The following FMNL2 variants were observed in gnomAD, a reference collection of about 807,000 sequenced individuals.
FMNL2 encodes the protein formin like 2.
A neutral mutation model predicts 130.2 loss-of-function variants in FMNL2; 51 were observed. The ratio of observed to expected loss-of-function variants is 0.39; its 90% CI spans 0.31 to 0.49. The LOEUF is 0.49. Among genes scored for constraint, FMNL2 ranks in the 20% least tolerant of loss-of-function variants. The pLI, the probability that FMNL2 is intolerant of heterozygous loss-of-function variation, is 0.85. For missense variants in FMNL2, 977 were observed against 1,316.2 expected (o/e 0.74, Z 3.99); for synonymous variants, 465 against 467.1 (o/e 1.00, Z 0.06).
intron 1 of FMNL2, among the ~76,000 whole-genome samples, chr2:152,368,085 C>T (rs747244721): frequency 2.0e-5 from 3 of 152,094 alleles, no homozygotes; most frequent in Non-Finnish European, 4.4e-5. Context: ...CTCTCAGAGC[C>T]CTTTTGCTGA....
At chr2:152,399,118 C>T (rs948517468) in intron 1 of FMNL2, among the ~76,000 whole-genome samples, 1 of 152,220 alleles carries the variant, frequency 6.6e-6, no homozygotes, top group African/African-American at 2.4e-5. Context: ...AGAAGCTGCC[C>T]CTGGACCCTG....
chr2:152,486,998 T>C (rs1216147795), intron 1 of FMNL2, among the ~76,000 whole-genome samples: 1 of 152,240 alleles, frequency 6.6e-6, no homozygotes, highest in Non-Finnish European at 1.5e-5. Context: ...GGCAGTTGGG[T>C]TGGCTCTTTT....
intron 10 of FMNL2, chr2:152,607,703 T>G (rs1698450746): frequency 4.3e-6 from 1 of 233,286 alleles, no homozygotes; most frequent in African/African-American, 2.2e-5. Flanking sequence ...GTGCAAATGC[T>G]GCCATTGTTT....
intron 1 of FMNL2, among the ~76,000 whole-genome samples, chr2:152,434,178 T>C (rs1276085574): frequency 2.6e-5 from 4 of 152,196 alleles, no homozygotes; most frequent in African/African-American, 9.7e-5. Flanking sequence ...ATTTACAAAA[T>C]ACACTCTGAC....
intron 9 of FMNL2, among the ~76,000 whole-genome samples, chr2:152,590,367 C>A (rs1697360712): frequency 6.6e-6 from 1 of 152,088 alleles, no homozygotes; most frequent in African/African-American, 2.4e-5. Flanking sequence ...CCTGTAATCC[C>A]AGCACTTTGG....
chr2:152,589,961 A>ATG lies in FMNL2; in HGVS notation c.876+8913_876+8914insGT, dbSNP rs1553482654. On this transcript the variant is annotated intron_variant, in intron 9 of 25. Transcript: ENST00000288670. Reference sequence around the variant, plus strand: ...TATACATATATATATATATATATATATATATATATATATATATATATATGT... The same window carrying ATG: ...TATACATATATATATATATATATATATGTATATATATATATATATATATATGT... 1.5e-4 allele frequency among the ~76,000 whole-genome samples: 7 copies of ATG among 47,430 alleles called. No individual in the cohort carries two copies. The South Asian group carries it at 1.6e-3, about 11-fold the overall frequency. 31.1% of individuals were successfully genotyped at this position (47,430 alleles called of 152,430 possible).
Position 152,637,414 on chromosome 2 carries a change from C to T in FMNL2, c.2845-159C>T, listed in dbSNP as rs530285801. On this transcript the variant is annotated intron_variant, in intron 22 of 25. Transcript: ENST00000288670. The stretch of plus-strand genomic sequence containing the variant: ...TCTGCTGAGGCGTTTGGAGGAAACA[C>T]GGAGGCGTTAGGCAATCTTGGGAGG... Among the ~76,000 whole-genome samples the T allele has an allele frequency of 7.9e-5, 12 of 152,258 alleles. No homozygotes were observed. The South Asian group carries it at 1.2e-3, about 16-fold the overall frequency.
intron 9 of FMNL2, among the ~76,000 whole-genome samples, chr2:152,583,075 T>C (rs1312671776): frequency 6.6e-6 from 1 of 152,262 alleles, no homozygotes; most frequent in Non-Finnish European, 1.5e-5. Context: ...GACTTATATA[T>C]GCTTTAGCTA....
At chr2:152,547,482 G>C (rs905337467) in intron 3 of FMNL2, among the ~76,000 whole-genome samples, 2 of 152,164 alleles carry the variant, frequency 1.3e-5, no homozygotes, top group Non-Finnish European at 2.9e-5. Context: ...ATTGTCTTGG[G>C]AATGGCATTT....
intron 6 of FMNL2, among the ~76,000 whole-genome samples, chr2:152,574,187 C>T (rs960544737): frequency 6.6e-6 from 1 of 152,124 alleles, no homozygotes; most frequent in African/African-American, 2.4e-5. Flanking sequence ...CCTGTAACCC[C>T]AGCACTTCGG....
At chr2:152,625,390 C>A in intron 15 of FMNL2, 48 bp from the exon 16 acceptor site, 2 of 1,575,324 alleles carry the variant, frequency 1.3e-6, no homozygotes, top group South Asian at 1.1e-5. Flanking sequence ...TCCTGAGGGT[C>A]GTAGGCTTTT....
At chr2:152,397,605 C>CT (rs1417863528) in intron 1 of FMNL2, among the ~76,000 whole-genome samples, 1 of 152,124 alleles carries the variant, frequency 6.6e-6, no homozygotes, top group Non-Finnish European at 1.5e-5. Flanking sequence ...AGTTTTCCCT[C>CT]TTTCTCCTTC....
intron 24 of FMNL2, among the ~76,000 whole-genome samples, chr2:152,640,520 T>G (rs572592268): frequency 2.0e-5 from 3 of 152,362 alleles, no homozygotes; most frequent in African/African-American, 7.2e-5. Context: ...CAACACAGTT[T>G]AAGACATCTA....
At chr2:152,351,140 A>G (rs752662033) in intron 1 of FMNL2, among the ~76,000 whole-genome samples, 2 of 152,220 alleles carry the variant, frequency 1.3e-5, no homozygotes, top group Non-Finnish European at 2.9e-5. Flanking sequence ...GAAGTTGCCC[A>G]TGAAAGTACA....
intron 1 of FMNL2, among the ~76,000 whole-genome samples, chr2:152,367,210 G>A (rs1683610945): frequency 6.6e-6 from 1 of 151,760 alleles, no homozygotes; most frequent in East Asian, 1.9e-4. Context: ...CGAGTAGCTG[G>A]GATTACAGGT....
intron 21 of FMNL2, among the ~76,000 whole-genome samples, chr2:152,635,024 A>T (rs1356859039): frequency 1.3e-5 from 2 of 151,860 alleles, no homozygotes; most frequent in African/African-American, 4.8e-5. Flanking sequence ...TATAAAATCC[A>T]TTTTTTGTTG....
At chr2:152,615,858 G>A (rs1332845424) in intron 12 of FMNL2, among the ~76,000 whole-genome samples, 1 of 152,112 alleles carries the variant, frequency 6.6e-6, no homozygotes, top group Non-Finnish European at 1.5e-5. Flanking sequence ...TTTAAAGAGT[G>A]CTGCATATGC....
In FMNL2 at chr2:152,542,839, AC is replaced by A. The variant is rs746131445; in HGVS notation, c.282+21del. 1.4e-5 allele frequency: 23 copies of A among 1,611,550 alleles called. No homozygotes were observed. The South Asian group carries it at 2.3e-4, about 16-fold the overall frequency. On this transcript the variant is annotated intron_variant, in intron 3 of 25. Transcript: ENST00000288670. ...AGGAAGGTAAGATGGATTTGTTTCC[AC>A]TCTTTGTTATTGCTTCCTTATTAGC...
chr2:152,401,898 CTTTTT>C (rs70974858), intron 1 of FMNL2, among the ~76,000 whole-genome samples: 2 of 78,552 alleles, frequency 2.5e-5, no homozygotes, highest in African/African-American at 5.3e-5. Flanking sequence ...TGTGTTTAAT[CTTTTT>C]TTTTTTTTTT....
Sources: allele counts gnomAD v4.1 joint callset (sites outside exome capture counted in the v4.1 genomes callset), GRCh38; gene constraint gnomAD v4.1.1; transcripts MANE v1.5; gene names NCBI Gene and HGNC (gene_info 2026-07-23, HGNC 2026-07-21).